The following PAMR1 variants were observed in gnomAD, a reference collection of about 807,000 sequenced individuals.
PAMR1 encodes the protein inactive serine protease PAMR1.
Under a neutral mutation model 81.8 loss-of-function variants are expected in PAMR1, and 88 were observed. That is an observed-to-expected ratio of 1.08 (90% CI 0.91 to 1.28). The LOEUF (loss-of-function observed/expected upper bound fraction) is 1.28, where lower values mean the gene tolerates loss of function less well. Among genes scored for constraint, PAMR1 ranks in the 50% most tolerant of loss-of-function variants. PAMR1 has a pLI of 0.00. For synonymous variants in PAMR1, 336 were observed against 345.3 expected, an observed-to-expected ratio of 0.97 and a Z score of 0.30; for missense variants, 935 against 919.7, an observed-to-expected ratio of 1.02 and a Z score of -0.21.
intron 1 of PAMR1, among the ~76,000 whole-genome samples, chr11:35,518,913 C>T (rs1826971470): frequency 2.0e-5 from 3 of 152,106 alleles, no homozygotes; most frequent in Admixed American, 2.0e-4. Flanking sequence ...TAAATGTGTT[C>T]CTCACTCTGT....
At chr11:35,474,574 C>T in intron 4 of PAMR1, 56 bp downstream of exon 4, 2 of 996,498 alleles carry the variant, frequency 2.0e-6, no homozygotes, top group East Asian at 2.5e-5. Flanking sequence ...AGCCTTCCAT[C>T]CCATTTCTGT....
intron 1 of PAMR1, among the ~76,000 whole-genome samples, chr11:35,522,451 A>T (rs908529782): frequency 6.6e-6 from 1 of 152,086 alleles, no homozygotes; most frequent in Non-Finnish European, 1.5e-5. Context: ...ATCACAGAAC[A>T]TTTGTCTTTT....
chr11:35,437,910 C>G (rs927915957), intron 8 of PAMR1, among the ~76,000 whole-genome samples: 7 of 152,042 alleles, frequency 4.6e-5, no homozygotes, highest in Admixed American at 3.3e-4. Flanking sequence ...AATGCCTTGC[C>G]CCTGAAAGGA....
At chr11:35,495,689 C>T (rs1219985570) in intron 1 of PAMR1, among the ~76,000 whole-genome samples, 1 of 152,172 alleles carries the variant, frequency 6.6e-6, no homozygotes, top group East Asian at 1.9e-4. Flanking sequence ...ATTCTAGCAC[C>T]TGCAGTGGCT....
chr11:35,528,869 T>C (rs560366393), upstream of PAMR1: 1 of 152,340 alleles, frequency 6.6e-6, no homozygotes, highest in African/African-American at 2.4e-5. Flanking sequence ...GCTGAGGACC[T>C]GGAAAGAAAC....
chr11:35,475,085 G>C (rs1167233434), intron 3 of PAMR1, among the ~76,000 whole-genome samples: 2 of 152,150 alleles, frequency 1.3e-5, no homozygotes, highest in Non-Finnish European at 1.5e-5. Flanking sequence ...TGAATGTAAA[G>C]TTCGAGCCAC....
intron 3 of PAMR1, among the ~76,000 whole-genome samples, chr11:35,477,181 T>A (rs1403639775): frequency 6.6e-6 from 1 of 152,232 alleles, no homozygotes; most frequent in Non-Finnish European, 1.5e-5. Context: ...TTTGAAATTA[T>A]CTCACTTACT....
At chr11:35,529,412 T>C (rs1460423302), upstream of PAMR1, among the ~76,000 whole-genome samples, 2 of 152,192 alleles carry the variant, frequency 1.3e-5, no homozygotes, top group African/African-American at 2.4e-5. Flanking sequence ...AACTGCACAG[T>C]GGACATTTGG....
At chr11:35,450,345 A>AT (rs1365031119) in intron 6 of PAMR1, among the ~76,000 whole-genome samples, 4 of 152,196 alleles carry the variant, frequency 2.6e-5, no homozygotes, top group African/African-American at 4.8e-5. Context: ...TAATATCAGC[A>AT]TTTTTTTCTG....
Position 35,490,310 on chromosome 11 carries a change from C to T in PAMR1, c.379+1735G>A, listed in dbSNP as rs12573977. Among the ~76,000 whole-genome samples, 2,476 of 152,284 alleles carry T rather than the reference C, an allele frequency of 0.016. 160 individuals are homozygous for T. The East Asian group carries it at 0.19, about 11-fold the overall frequency. ...AAACCATATCAAAGGCGTGATCACA[C>T]TCCTGCCTACCACTCCAACCCCATC... On this transcript the variant is annotated intron_variant, in intron 3 of 10. Transcript: ENST00000619888.
chr11:35,490,343 C>T (rs140943356), intron 3 of PAMR1, among the ~76,000 whole-genome samples: 66 of 152,316 alleles, frequency 4.3e-4, no homozygotes, highest in African/African-American at 1.5e-3. Context: ...ATCAAATCCC[C>T]CTTTCCCTCT....
intron 6 of PAMR1, among the ~76,000 whole-genome samples, chr11:35,446,031 G>A (rs972936721): frequency 6.6e-6 from 1 of 152,056 alleles, no homozygotes. Flanking sequence ...GTCTATTCAG[G>A]GATTCAAATT....
intron 3 of PAMR1, among the ~76,000 whole-genome samples, chr11:35,479,629 A>G (rs1030274129): frequency 1.3e-5 from 2 of 152,158 alleles, no homozygotes; most frequent in African/African-American, 4.8e-5. Context: ...CTAGAACCCT[A>G]AACCCAACAG....
intron 6 of PAMR1, among the ~76,000 whole-genome samples, chr11:35,446,277 C>CA (rs1344515515): frequency 6.6e-6 from 1 of 151,890 alleles, no homozygotes; most frequent in Non-Finnish European, 1.5e-5. Flanking sequence ...AATTTTTATT[C>CA]AAAAAACCAG....
chr11:35,439,193 T>C (rs946115576), intron 8 of PAMR1, among the ~76,000 whole-genome samples: 1 of 152,200 alleles, frequency 6.6e-6, no homozygotes, highest in Non-Finnish European at 1.5e-5. Flanking sequence ...TCTCTAGTTC[T>C]TGGGCTCCCC....
At chr11:35,518,165 GC>G (rs1422522480) in intron 1 of PAMR1, among the ~76,000 whole-genome samples, 2 of 151,608 alleles carry the variant, frequency 1.3e-5, no homozygotes, top group Non-Finnish European at 2.9e-5. Context: ...CCCCTGGGAG[GC>G]AAAAAGCCAG....
chr11:35,489,875 C>A (rs927272741), intron 3 of PAMR1, among the ~76,000 whole-genome samples: 1 of 152,236 alleles, frequency 6.6e-6, no homozygotes, highest in Non-Finnish European at 1.5e-5. Flanking sequence ...CACCACTCTT[C>A]CTTGGTTCCC....
At chr11:35,454,779 G>T (rs1045518308) in intron 6 of PAMR1, among the ~76,000 whole-genome samples, 7 of 152,182 alleles carry the variant, frequency 4.6e-5, no homozygotes, top group Non-Finnish European at 8.8e-5. Flanking sequence ...GATTGGCCAA[G>T]CAAGTAGAGG....
chr11:35,499,931 A>T (rs1850799186), intron 1 of PAMR1, among the ~76,000 whole-genome samples: 1 of 152,192 alleles, frequency 6.6e-6, no homozygotes, highest in Admixed American at 6.5e-5. Flanking sequence ...CGTAAGAGGG[A>T]GGCAGGATGG....
Sources: gnomAD v4.1 joint callset for allele counts (sites outside exome capture counted in the v4.1 genomes callset) on GRCh38, gnomAD v4.1.1 for gene constraint, MANE v1.5 for transcripts, NCBI Gene and HGNC (gene_info 2026-07-23, HGNC 2026-07-21) for gene names.